Variants in RRBP1 observed in about 807,000 individuals in gnomAD.
The protein encoded by RRBP1 is ribosome-binding protein 1.
RRBP1 carries 94 observed loss-of-function variants against 165.2 expected under a neutral mutation model. The observed-to-expected ratio is 0.57, with a 90% CI of 0.48 to 0.68. The LOEUF (loss-of-function observed/expected upper bound fraction) is 0.68, where lower values mean the gene tolerates loss of function less well. Ranked by LOEUF, RRBP1 falls within the 30% of genes least tolerant of loss-of-function variation. RRBP1 has a pLI of 0.00. For missense variants in RRBP1, 1,676 were observed against 1,763.0 expected, an observed-to-expected ratio of 0.95 and a Z score of 0.88; for synonymous variants, 680 against 714.5, an observed-to-expected ratio of 0.95 and a Z score of 0.77.
chr20:17,675,463 TTCAGAGGGGGAGATGACAAAG>T (rs1038624693), intron 2 of RRBP1, among the ~76,000 whole-genome samples: 1 of 149,788 alleles, frequency 6.7e-6, no homozygotes, highest in African/African-American at 2.5e-5. Context: ...GAGCTTACGC[TTCAGAGGGGGAGATGACAAAG>T]TCAGTCAAAT....
intron 8 of RRBP1, among the ~76,000 whole-genome samples, chr20:17,630,276 G>C (rs1174140891): frequency 6.6e-6 from 1 of 152,206 alleles, no homozygotes; most frequent in East Asian, 1.9e-4. Context: ...TACTGATTCA[G>C]AGTAAACTAG....
chr20:17,681,300 C>T (rs1332325693), intron 1 of RRBP1, among the ~76,000 whole-genome samples: 1 of 148,478 alleles, frequency 6.7e-6, no homozygotes, highest in Non-Finnish European at 1.5e-5. Context: ...CCCGGCCCCG[C>T]CGCCAGGGGG....
chr20:17,636,734 G>T lies in RRBP1; in HGVS notation c.2185-5C>A. On this transcript the variant is annotated splice_polypyrimidine_tract_variant and splice_region_variant and intron_variant, in intron 5 of 24. Coordinates refer to ENST00000377813, the MANE Select transcript of RRBP1 (RefSeq NM_001365613.2). ...GGCCTTTTCTGCTGCCATCTCCTGG[G>T]GGGAAAGTAGCAGAGAGAGGGGCTG... The T allele has an allele frequency of 6.2e-7, 1 of 1,612,594 alleles. No homozygotes were observed. The highest frequency in any genetic ancestry group is 8.5e-7 in the Non-Finnish European group (1 of 1,180,016).
intron 19 of RRBP1, 179 bp from the exon 20 acceptor site, chr20:17,618,858 T>C: frequency 3.3e-6 from 2 of 604,964 alleles, no homozygotes; most frequent in African/African-American, 1.8e-5. Flanking sequence ...ACGATTTCTT[T>C]TTTGAGGACT....
intron 21 of RRBP1, 62 bp downstream of exon 21, chr20:17,616,670 C>G: frequency 8.8e-7 from 1 of 1,141,518 alleles, no homozygotes; most frequent in South Asian, 1.3e-5. Context: ...CGAACGGAGG[C>G]AGCAGGGCCT....
Position 17,625,612 on chromosome 20 carries a change from C to G in RRBP1, c.2964-10G>C, listed in dbSNP as rs745935466. The G allele has an allele frequency of 1.9e-6, 3 of 1,612,282 alleles. No homozygotes were observed. The Admixed American group carries it at 5.0e-5, about 27-fold the overall frequency. The stretch of plus-strand genomic sequence containing the variant: ...CTCCAGCTCCTTGAGGCTGAAGGGA[C>G]ACAACGAGGTCACCGCCTAGGCTCC... On this transcript the variant is annotated splice_polypyrimidine_tract_variant and intron_variant, in intron 11 of 24. Coordinates refer to ENST00000377813, the MANE Select transcript of RRBP1 (RefSeq NM_001365613.2).
chr20:17,638,115 G>T (rs1038318976), intron 5 of RRBP1, among the ~76,000 whole-genome samples: 3 of 152,324 alleles, frequency 2.0e-5, no homozygotes, highest in South Asian at 4.1e-4. Context: ...GGGAAAGGGA[G>T]GACAGCTTAG....
chr20:17,639,864 G>A (rs904093707), intron 5 of RRBP1, among the ~76,000 whole-genome samples: 2 of 139,072 alleles, frequency 1.4e-5, no homozygotes, highest in South Asian at 4.5e-4. Flanking sequence ...TTGCACTCCA[G>A]CCTGGGCAAT....
intron 2 of RRBP1, among the ~76,000 whole-genome samples, chr20:17,676,730 G>T (rs1368119110): frequency 6.6e-6 from 1 of 152,034 alleles, no homozygotes; most frequent in Non-Finnish European, 1.5e-5. Context: ...TTCCCCCAGA[G>T]AACCCAAAAA....
rs780285371 is a variant in RRBP1, at chr20:17,660,063, C to T, written c.445G>A (p.Val149Met). 1 of 1,613,874 alleles carries T rather than the reference C, an allele frequency of 6.2e-7. No homozygotes were observed. The highest frequency in any genetic ancestry group is 8.5e-7 in the Non-Finnish European group (1 of 1,179,968). ...KKKKEKKVAK[V>M]EPAVSSVVNS... is the part of the protein sequence containing the mutation. ...ACTACAGAGCTGACAGCTGGTTCCA[C>T]TTTTGCCACTTTTTTCTCCTTCTTC... Residue 149 changes from valine (V) to methionine (M), a missense_variant, in exon 3 of 25, where the codon GTG becomes ATG. By Grantham distance (21) the Val-to-Met change is conservative. This residue lies in a region of RRBP1 where 392 missense variants were observed against 382.5 expected (regional missense o/e 1.02). Transcript: ENST00000377813.
intron 17 of RRBP1, 129 bp from the exon 18 acceptor site, chr20:17,620,499 G>C (rs772689288): frequency 2.2e-6 from 2 of 922,404 alleles, no homozygotes; most frequent in South Asian, 1.3e-5. Flanking sequence ...CGCCCAGCTG[G>C]GACGGTCACC....
chr20:17,676,888 C>T (rs1483511189), intron 2 of RRBP1, among the ~76,000 whole-genome samples: 1 of 152,138 alleles, frequency 6.6e-6, no homozygotes, highest in Admixed American at 6.5e-5. Flanking sequence ...GCCAGGACTA[C>T]AGGCACATGC....
chr20:17,631,700 A>G (rs2036153610), intron 8 of RRBP1, among the ~76,000 whole-genome samples: 1 of 152,258 alleles, frequency 6.6e-6, no homozygotes, highest in South Asian at 2.1e-4. Flanking sequence ...GCAGGCCCCA[A>G]GAGGCCGTCC....
Position 17,637,986 on chromosome 20 carries a change from G to A in RRBP1, c.2185-1257C>T, listed in dbSNP as rs183201581. On this transcript the variant is annotated intron_variant, in intron 5 of 24. Coordinates refer to ENST00000377813, the MANE Select transcript of RRBP1 (RefSeq NM_001365613.2). The stretch of plus-strand genomic sequence containing the variant: ...GAGAGGACACACTTGTCCAAGGCTG[G>A]GGAGCAGCTCTAAGAGGCAGGGGTG... 8.5e-4 allele frequency among the ~76,000 whole-genome samples: 129 copies of A among 152,302 alleles called. No homozygotes were observed. The Middle Eastern group carries it at 0.01, about 12-fold the overall frequency.
rs1224897239 is a variant in RRBP1 at position 17,656,350 on chromosome 20, ACTT to A, written c.1912+2243_1912+2245del. On this transcript the variant is annotated intron_variant, in intron 3 of 24. Coordinates refer to ENST00000377813, the MANE Select transcript of RRBP1 (RefSeq NM_001365613.2). ...AAGCTCCCCCATGTCAGCCTTGGTGACTTCTTCTCATGACAATGTCAGAGTGGC... is the reference window on the plus strand; with the variant it reads ...AAGCTCCCCCATGTCAGCCTTGGTGACTTCTCATGACAATGTCAGAGTGGC... Among the ~76,000 whole-genome samples the A allele has an allele frequency of 4.6e-5, 7 of 152,118 alleles. No individual in the cohort carries two copies. The South Asian group carries it at 8.3e-4, about 18-fold the overall frequency.
chr20:17,635,531 G>C lies in RRBP1; in HGVS notation c.2456+15C>G, dbSNP rs758848239. On this transcript the variant is annotated intron_variant, in intron 7 of 24. Transcript: ENST00000377813. ...GGCCCTTGGGGAGGTGCTGAGGCAGGAAAGCTCAGCTTACTTGCTCTCCAC... is the reference window on the plus strand; with the variant it reads ...GGCCCTTGGGGAGGTGCTGAGGCAGCAAAGCTCAGCTTACTTGCTCTCCAC... 5.7e-6 allele frequency: 9 copies of C among 1,585,462 alleles called. No homozygotes were observed. Among genetic ancestry groups the C allele is most frequent in the East Asian group, 2.2e-5 (1 of 44,660 alleles).
chr20:17,628,079 T>G (rs2122294258), intron 9 of RRBP1, among the ~76,000 whole-genome samples: 1 of 152,168 alleles, frequency 6.6e-6, no homozygotes, highest in South Asian at 2.1e-4. Context: ...CCTCCCTGGC[T>G]GGGTCCCCCT....
At position 17,624,579 on chromosome 20, in the gene RRBP1, G is replaced by A. The variant is rs754330777; in HGVS notation, c.3144C>T (p.Ala1048=). ...CKEKLLSLTQ[A]KEESEKQLCL... ...GTGAGTGTGGTCGGGCTCTGACCTT[G>A]GCCTGGGTCAGGGAGAGCAGCTTCT... The change falls in exon 13 of 25, where the codon GCC becomes GCT. Residue 1048 remains alanine (A), a synonymous_variant. Coordinates refer to ENST00000377813, the MANE Select transcript of RRBP1 (RefSeq NM_001365613.2). The A allele has an allele frequency of 4.4e-6, 7 of 1,589,162 alleles. No individual in the cohort carries two copies. Among genetic ancestry groups the A allele is most frequent in the African/African-American group, 2.7e-5 (2 of 74,748 alleles).
chr20:17,627,396 C>T lies in RRBP1; in HGVS notation c.2929-14G>A, dbSNP rs1568759148. ...CGCCTGGCTGGCCTGGAATGAGAGA[C>T]AAAAGCTCCTTGGTCTCCAGGAGAC... On this transcript the variant is annotated splice_polypyrimidine_tract_variant and intron_variant, in intron 10 of 24. Transcript: ENST00000377813. 22 of 1,613,984 alleles carry T rather than the reference C, an allele frequency of 1.4e-5. No homozygotes were observed. The highest frequency in any genetic ancestry group is 5.5e-5 in the South Asian group (5 of 91,026).
Sources: gnomAD v4.1 joint callset for allele counts (sites outside exome capture counted in the v4.1 genomes callset) on GRCh38, gnomAD v4.1.1 for gene constraint, gnomAD v4.1.1 regional missense constraint, MANE v1.5 for transcripts, NCBI Gene and HGNC (gene_info 2026-07-23, HGNC 2026-07-21) for gene names.